LPAR4: variants seen among roughly 807,000 people sequenced by gnomAD.
LPAR4 encodes lysophosphatidic acid receptor 4, also known as G-protein coupled receptor 23.
Under a neutral mutation model 9.2 loss-of-function variants are expected in LPAR4, and 14 were observed. The observed-to-expected ratio is 1.51, with a 90% CI of 1.00 to 2.37. The LOEUF (loss-of-function observed/expected upper bound fraction) is 2.37, where lower values mean the gene tolerates loss of function less well. Among genes scored for constraint, LPAR4 ranks in the 30% most tolerant of loss-of-function variants. The pLI is 0.00. For missense variants in LPAR4, 251 were observed against 272.1 expected (o/e 0.92, Z 0.55); for synonymous variants, 131 against 97.9 (o/e 1.34, Z -1.99).
intron 1 of LPAR4, among the ~76,000 whole-genome samples, chrX:78,749,534 A>G (rs1924966699): frequency 9.0e-6 from 1 of 111,228 alleles, no homozygotes. Context: ...ACCAGGAAAC[A>G]GGTGGGAAGG....
chrX:78,750,774 GAAA>G lies in LPAR4; in HGVS notation c.-192_-190del, dbSNP rs925699479. The G allele has an allele frequency of 9.7e-6, 1 of 102,830 alleles. No homozygotes were observed. Among genetic ancestry groups the G allele is most frequent in the African/African-American group, 3.5e-5 (1 of 28,423 alleles). The allele number at this position is 102,830 out of a possible 1,213,427, so 8.5% of individuals were successfully genotyped here. A position where few individuals can be genotyped will look rare whatever the true frequency, so the allele number is the denominator to read the frequency against. On this transcript the variant is annotated 5_prime_UTR_variant, in exon 3 of 5. Coordinates refer to ENST00000614823, the MANE Select transcript of LPAR4 (RefSeq NM_001278000.3). Reference sequence around the variant, plus strand: ...AGTTGTTGCCAAGAAAAGAAAAAAAGAAAAAAAAAAGACCCAATGTAAGTTCAT... The same window carrying G: ...AGTTGTTGCCAAGAAAAGAAAAAAAGAAAAAAAGACCCAATGTAAGTTCAT...
Position 78,758,170 on chromosome X carries a change from T to C in LPAR4, c.*2188T>C, listed in dbSNP as rs1371750200. ...AAGTCCTAAAAGTAATTATGCATTA[T>C]GTAGTCTTATGAAAAGAGGCTATAG... On this transcript the variant is annotated 3_prime_UTR_variant, in exon 5 of 5. Transcript: ENST00000614823. Among the ~76,000 whole-genome samples, 2 of 111,986 alleles carry C rather than the reference T, an allele frequency of 1.8e-5. No homozygotes were observed. The highest frequency in any genetic ancestry group is 9.5e-5 in the Admixed American group (1 of 10,542).
chrX:78,754,717 A>G, intron 4 of LPAR4, 74 bp from the exon 5 acceptor site: 1 of 442,875 alleles, frequency 2.3e-6, no homozygotes, highest in Non-Finnish European at 3.7e-6. Context: ...ATCTGGGTGG[A>G]CAGAATATCT....
chrX:78,751,501 T>C (rs977495231), intron 4 of LPAR4, among the ~76,000 whole-genome samples, 190 bp downstream of exon 4: 17 of 111,405 alleles, frequency 1.5e-4, no homozygotes, highest in Non-Finnish European at 3.0e-4. Context: ...CAGGCAATTT[T>C]GATGAAGATG....
At chrX:78,752,170 A>G (rs1280417704) in intron 4 of LPAR4, among the ~76,000 whole-genome samples, 1 of 111,269 alleles carries the variant, frequency 9.0e-6, no homozygotes, top group Non-Finnish European at 1.9e-5. Flanking sequence ...TTAAAAGGCT[A>G]TTTCTTGCAT....
At chrX:78,753,032 C>A (rs374509112) in intron 4 of LPAR4, among the ~76,000 whole-genome samples, 1 of 111,348 alleles carries the variant, frequency 9.0e-6, no homozygotes, top group Non-Finnish European at 1.9e-5. Flanking sequence ...TTTTGGTCAA[C>A]CTCCACGGGA....
intron 4 of LPAR4, among the ~76,000 whole-genome samples, chrX:78,754,515 C>T (rs1925201034): frequency 8.9e-6 from 1 of 112,170 alleles, no homozygotes; most frequent in East Asian, 2.8e-4. Flanking sequence ...GCTGTTTTAA[C>T]TATCATTTTA....
At chrX:78,750,414 A>G (rs1319093585) in intron 2 of LPAR4, among the ~76,000 whole-genome samples, 191 bp downstream of exon 2, 1 of 111,959 alleles carries the variant, frequency 8.9e-6, no homozygotes, top group Non-Finnish European at 1.9e-5. Context: ...TACTTTACAG[A>G]TGGAAGCACT....
rs1925317923 is a variant in LPAR4 at position 78,756,849 on chromosome X, C to T, written c.*867C>T. 1.7e-5 allele frequency: 2 copies of T among 120,676 alleles called. No individual in the cohort carries two copies. The allele number at this position is 120,676 out of a possible 1,213,427, so 9.9% of individuals were successfully genotyped here. A position where few individuals can be genotyped will look rare whatever the true frequency, so the allele number is the denominator to read the frequency against. On this transcript the variant is annotated 3_prime_UTR_variant, in exon 5 of 5. Coordinates refer to ENST00000614823, the MANE Select transcript of LPAR4 (RefSeq NM_001278000.3). ...TGTTATACTTTGGAGCACAGCACAG[C>T]CAGAAAGGGGCTGCATTTGTGCCCA...
rs751319093 is a variant in LPAR4 at position 78,755,299 on chromosome X, T to G, written c.430T>G (p.Phe144Val). The G allele has an allele frequency of 1.7e-6, 2 of 1,208,976 alleles. No homozygotes were observed. The highest frequency in any genetic ancestry group is 2.2e-6 in the Non-Finnish European group (2 of 893,948). The part of the protein sequence containing the change: ...VDRFLAIVYP[F>V]RSRTIRTRRN... ...TCGTTTCCTGGCCATTGTCTATCCTTTTCGATCTCGTACTATTAGGACTAG... is the reference window on the plus strand; with the variant it reads ...TCGTTTCCTGGCCATTGTCTATCCTGTTCGATCTCGTACTATTAGGACTAG... Residue 144 changes from phenylalanine (F) to valine (V), a missense_variant, in exon 5 of 5, where the codon TTT becomes GTT. Physicochemically the swap from Phe to Val is conservative, Grantham distance 50. Transcript: ENST00000614823.
Position 78,757,297 on chromosome X carries a change from A to G in LPAR4, c.*1315A>G, listed in dbSNP as rs1434800087. On this transcript the variant is annotated 3_prime_UTR_variant, in exon 5 of 5. Coordinates refer to ENST00000614823, the MANE Select transcript of LPAR4 (RefSeq NM_001278000.3). ...TAAATTCGTCTCCTGGTTAGGAACAAGTTGTGGGAAAAAAAGGTCAAAAAT... is the reference window on the plus strand; with the variant it reads ...TAAATTCGTCTCCTGGTTAGGAACAGGTTGTGGGAAAAAAAGGTCAAAAAT... Among the ~76,000 whole-genome samples, 1 of 111,514 alleles carries G rather than the reference A, an allele frequency of 9.0e-6. No homozygotes were observed. The highest frequency in any genetic ancestry group is 1.9e-5 in the Non-Finnish European group (1 of 52,940).
rs995341032 is a variant in LPAR4 at position 78,758,307 on chromosome X, GTTTC to G, written c.*2330_*2333del. 4.5e-5 allele frequency among the ~76,000 whole-genome samples: 5 copies of G among 111,351 alleles called. No homozygotes were observed. Among genetic ancestry groups the G allele is most frequent in the African/African-American group, 6.5e-5 (2 of 30,785 alleles). ...GTAATAAAAGCGTGAATAATCTTTT[GTTTC>G]TTTCAGTATTCATGTTTTTCCATTT... On this transcript the variant is annotated 3_prime_UTR_variant, in exon 5 of 5. Transcript: ENST00000614823.
chrX:78,757,542 C>T lies in LPAR4; in HGVS notation c.*1560C>T, dbSNP rs935022325. ...AAATTTTTTTATAATTTACTTAAAC[C>T]GCAAAAATCTTTAAAACTCTTACTA... On this transcript the variant is annotated 3_prime_UTR_variant, in exon 5 of 5. Coordinates refer to ENST00000614823, the MANE Select transcript of LPAR4 (RefSeq NM_001278000.3). 2.7e-5 allele frequency among the ~76,000 whole-genome samples: 3 copies of T among 110,889 alleles called. No individual in the cohort carries two copies. Among genetic ancestry groups the T allele is most frequent in the Non-Finnish European group, 5.7e-5 (3 of 52,750 alleles).
chrX:78,748,308 G>A (rs1213615793), intron 1 of LPAR4, among the ~76,000 whole-genome samples: 1 of 112,385 alleles, frequency 8.9e-6, no homozygotes, highest in Non-Finnish European at 1.9e-5. Flanking sequence ...TAAAATCACA[G>A]TGTAGAACAA....
intron 4 of LPAR4, among the ~76,000 whole-genome samples, 162 bp from the exon 5 acceptor site, chrX:78,754,629 C>G (rs1223560379): frequency 9.0e-6 from 1 of 111,627 alleles, no homozygotes; most frequent in Non-Finnish European, 1.9e-5. Flanking sequence ...GCAACATACT[C>G]TTGTAGTACC....
intron 4 of LPAR4, among the ~76,000 whole-genome samples, chrX:78,752,119 T>C (rs949843166): frequency 2.0e-4 from 22 of 111,757 alleles, no homozygotes; most frequent in African/African-American, 6.8e-4. Context: ...GCAGCCTTAA[T>C]AATCTTAGTG....
At chrX:78,754,345 A>G (rs1233482112) in intron 4 of LPAR4, among the ~76,000 whole-genome samples, 1 of 111,605 alleles carries the variant, frequency 9.0e-6, no homozygotes, top group Non-Finnish European at 1.9e-5. Flanking sequence ...TAGTGGGCAG[A>G]CTGGAGGGAC....
rs977558556 is a variant in LPAR4, at chrX:78,758,605, A to T, written c.*2623A>T. ...TGTAACCAAGAAAATGTAAAGTATAACTAAATATAAAAGTGACTATGTTAC... is the reference window on the plus strand; with the variant it reads ...TGTAACCAAGAAAATGTAAAGTATATCTAAATATAAAAGTGACTATGTTAC... On this transcript the variant is annotated 3_prime_UTR_variant, in exon 5 of 5. Coordinates refer to ENST00000614823, the MANE Select transcript of LPAR4 (RefSeq NM_001278000.3). Among the ~76,000 whole-genome samples the T allele has an allele frequency of 8.9e-6, 1 of 111,931 alleles. No individual in the cohort carries two copies. The highest frequency in any genetic ancestry group is 9.5e-5 in the Admixed American group (1 of 10,530).
In LPAR4 at chrX:78,753,037, A is replaced by G. The variant is rs189276633; in HGVS notation, c.-80+1726A>G. 4.7e-3 allele frequency among the ~76,000 whole-genome samples: 527 copies of G among 111,595 alleles called. 5 individuals are homozygous for G. The highest frequency in any genetic ancestry group is 0.017 in the African/African-American group (514 of 30,761). The stretch of plus-strand genomic sequence containing the variant: ...TCAGATTTATTTTTGGTCAACCTCC[A>G]CGGGACCTGCTTCCTGTCCATTGTC... On this transcript the variant is annotated intron_variant, in intron 4 of 4. Transcript: ENST00000614823.
Sources: allele counts gnomAD v4.1 joint callset (sites outside exome capture counted in the v4.1 genomes callset), GRCh38; gene constraint gnomAD v4.1.1; transcripts MANE v1.5; gene names NCBI Gene and HGNC (gene_info 2026-07-23, HGNC 2026-07-21).